The following PPP2R2B variants were observed in gnomAD, a reference collection of about 807,000 sequenced individuals.
PPP2R2B encodes serine/threonine-protein phosphatase 2A 55 kDa regulatory subunit B beta isoform.
PPP2R2B carries 5 observed loss-of-function variants against 46.0 expected under a neutral mutation model. That is an observed-to-expected ratio of 0.11 (90% CI 0.06 to 0.23). PPP2R2B has a LOEUF of 0.23. Ranked by LOEUF, PPP2R2B falls within the 10% of genes least tolerant of loss-of-function variation. The pLI, the probability that PPP2R2B is intolerant of heterozygous loss-of-function variation, is 1.00. For missense variants in PPP2R2B, 367 were observed against 575.0 expected, an observed-to-expected ratio of 0.64 and a Z score of 3.70; for synonymous variants, 215 against 206.7, an observed-to-expected ratio of 1.04 and a Z score of -0.34.
At chr5:146,714,989 C>G (rs1457399618) in intron 2 of PPP2R2B, among the ~76,000 whole-genome samples, 2 of 152,158 alleles carry the variant, frequency 1.3e-5, no homozygotes, top group Non-Finnish European at 2.9e-5. Context: ...AACTCATATA[C>G]ACTTTAAAGT....
intron 2 of PPP2R2B, among the ~76,000 whole-genome samples, chr5:146,819,504 T>G (rs1482338684): frequency 6.6e-6 from 1 of 152,172 alleles, no homozygotes; most frequent in Admixed American, 6.5e-5. Flanking sequence ...TGTCAACTCC[T>G]GACCTTCCTA....
At chr5:147,056,247 C>T (rs944253057), upstream of PPP2R2B, 16 of 358,550 alleles carry the variant, frequency 4.5e-5, no homozygotes, top group East Asian at 3.3e-4. Context: ...AGGAGCCACC[C>T]GTAATGCCAT....
At chr5:146,718,001 C>CCA (rs1184254796) in intron 2 of PPP2R2B, among the ~76,000 whole-genome samples, 1 of 152,068 alleles carries the variant, frequency 6.6e-6, no homozygotes, top group African/African-American at 2.4e-5. Context: ...AATGCATCTA[C>CCA]CATAATTCAT....
At chr5:146,858,710 C>T (rs1312941148) in intron 2 of PPP2R2B, among the ~76,000 whole-genome samples, 1 of 152,100 alleles carries the variant, frequency 6.6e-6, no homozygotes, top group Non-Finnish European at 1.5e-5. Flanking sequence ...TGGTAGATAT[C>T]TGTGAGTTAG....
chr5:146,585,203 G>A lies in PPP2R2B; in HGVS notation c.*4744C>T, dbSNP rs138849679. On this transcript the variant is annotated 3_prime_UTR_variant, in exon 10 of 10. Transcript: ENST00000394411. Reference sequence around the variant, plus strand: ...AACCAATGAATCTTTAATTCATTGAGCTTATGGGTCATTACTGGGGCTTGT... The same window carrying A: ...AACCAATGAATCTTTAATTCATTGAACTTATGGGTCATTACTGGGGCTTGT... The A allele has an allele frequency of 1.3e-5, 2 of 151,144 alleles. No individual in the cohort carries two copies. Among genetic ancestry groups the A allele is most frequent in the East Asian group, 2.0e-4 (1 of 5,080 alleles). The allele number at this position is 151,144 out of a possible 1,614,324, so 9.4% of individuals were successfully genotyped here.
upstream of PPP2R2B, among the ~76,000 whole-genome samples, chr5:147,060,432 G>A (rs564749118): frequency 3.4e-4 from 51 of 152,184 alleles, no homozygotes; most frequent in Non-Finnish European, 5.3e-4. Flanking sequence ...TTTGAGACCA[G>A]CCTGGGCAAT....
chr5:146,899,383 C>T (rs1162635993), intron 1 of PPP2R2B, among the ~76,000 whole-genome samples: 1 of 146,262 alleles, frequency 6.8e-6, no homozygotes, highest in African/African-American at 2.6e-5. Context: ...AACAAAAAAC[C>T]AAACACCGCA....
At chr5:146,731,444 A>G (rs1228257188) in intron 2 of PPP2R2B, among the ~76,000 whole-genome samples, 1 of 152,214 alleles carries the variant, frequency 6.6e-6, no homozygotes, top group Non-Finnish European at 1.5e-5. Context: ...ATACTGTACT[A>G]TGAGTACTTT....
intron 2 of PPP2R2B, among the ~76,000 whole-genome samples, chr5:146,779,488 C>T (rs573998124): frequency 9.2e-5 from 14 of 152,252 alleles, no homozygotes; most frequent in South Asian, 6.2e-4. Context: ...AAATGACTGC[C>T]GGCCCGGTGA....
At chr5:146,977,526 G>C (rs1026040384) in intron 1 of PPP2R2B, among the ~76,000 whole-genome samples, 2 of 151,940 alleles carry the variant, frequency 1.3e-5, no homozygotes, top group Non-Finnish European at 2.9e-5. Flanking sequence ...CCCTCCCCTA[G>C]CTCCCCACCC....
At chr5:146,827,977 G>A (rs1223061958) in intron 2 of PPP2R2B, among the ~76,000 whole-genome samples, 1 of 151,528 alleles carries the variant, frequency 6.6e-6, no homozygotes, top group Non-Finnish European at 1.5e-5. Flanking sequence ...AAAAAGAATT[G>A]GGAGTCTCCA....
rs561489928 is a variant in PPP2R2B, at chr5:146,584,288, C to T, written c.*5659G>A. 4 of 152,270 alleles carry T rather than the reference C, an allele frequency of 2.6e-5. No individual in the cohort carries two copies. The South Asian group carries it at 8.3e-4, about 32-fold the overall frequency. The allele number at this position is 152,270 out of a possible 1,614,324, so 9.4% of individuals were successfully genotyped here. A position where few individuals can be genotyped will look rare whatever the true frequency, so the allele number is the denominator to read the frequency against. ...GGCATGGAATATCTAAATTGGGGGACAGTTAATCAGTCATAATAAGGTCAA... is the reference window on the plus strand; with the variant it reads ...GGCATGGAATATCTAAATTGGGGGATAGTTAATCAGTCATAATAAGGTCAA... On this transcript the variant is annotated 3_prime_UTR_variant, in exon 10 of 10. Transcript: ENST00000394411.
At chr5:147,019,694 G>A (rs1181649917) in intron 1 of PPP2R2B, among the ~76,000 whole-genome samples, 3 of 152,068 alleles carry the variant, frequency 2.0e-5, no homozygotes, top group Non-Finnish European at 2.9e-5. Flanking sequence ...ATAGCAAGGT[G>A]GCTCTTGTCT....
At chr5:146,800,713 G>A (rs185091067) in intron 2 of PPP2R2B, among the ~76,000 whole-genome samples, 271 of 151,842 alleles carry the variant, frequency 1.8e-3, no homozygotes, top group South Asian at 9.2e-3. Flanking sequence ...CCTGCCCTTC[G>A]GTCTAATCAG....
At chr5:146,597,383 T>C (rs1771278025) in intron 8 of PPP2R2B, among the ~76,000 whole-genome samples, 1 of 152,212 alleles carries the variant, frequency 6.6e-6, no homozygotes, top group African/African-American at 2.4e-5. Context: ...TTTAGTTCAC[T>C]CCTTCTAGTA....
chr5:146,875,897 C>T (rs1325230333), intron 2 of PPP2R2B, among the ~76,000 whole-genome samples: 2 of 152,234 alleles, frequency 1.3e-5, no homozygotes, highest in Admixed American at 1.3e-4. Flanking sequence ...TCTTCCCCCT[C>T]TGGCAACAAA....
intron 1 of PPP2R2B, among the ~76,000 whole-genome samples, chr5:146,943,670 A>C (rs1764393269): frequency 6.6e-6 from 1 of 150,682 alleles, no homozygotes; most frequent in Non-Finnish European, 1.5e-5. Context: ...TTAGAGAGGC[A>C]CTCATTTTTT....
chr5:147,041,636 G>C (rs940387529), intron 1 of PPP2R2B, among the ~76,000 whole-genome samples: 2 of 152,018 alleles, frequency 1.3e-5, no homozygotes, highest in Non-Finnish European at 2.9e-5. Context: ...GAAGGCACTG[G>C]GGTACTTCCT....
intron 2 of PPP2R2B, among the ~76,000 whole-genome samples, chr5:146,806,653 G>C (rs1354379042): frequency 2.0e-5 from 3 of 152,182 alleles, no homozygotes; most frequent in African/African-American, 7.2e-5. Context: ...TGATATAATG[G>C]AAGGTACTCT....
Sources: allele counts gnomAD v4.1 joint callset (sites outside exome capture counted in the v4.1 genomes callset), GRCh38; gene constraint gnomAD v4.1.1; transcripts MANE v1.5; gene names NCBI Gene and HGNC (gene_info 2026-07-23, HGNC 2026-07-21).